The following CSMD1 variants were observed in gnomAD, a reference collection of about 807,000 sequenced individuals.
The protein encoded by CSMD1 is CUB and Sushi multiple domains 1, also known as CUB and sushi domain-containing protein 1.
CSMD1 carries 213 observed loss-of-function variants against 417.5 expected under a neutral mutation model. The ratio of observed to expected loss-of-function variants is 0.51; its 90% CI spans 0.46 to 0.57. The LOEUF (loss-of-function observed/expected upper bound fraction) is 0.57. Ranked by LOEUF, CSMD1 falls within the 20% of genes least tolerant of loss-of-function variation. The probability of loss-of-function intolerance (pLI) is 0.00; values close to 1 mark genes in which losing one functional copy is unlikely to be tolerated. For missense variants in CSMD1, 6,923 were observed against 4,529.7 expected (o/e 1.53, Z -15.17); for synonymous variants, 2,862 against 1,736.8 (o/e 1.65, Z -16.11).
chr8:2,973,816 G>GTGGTAGAGGATGATGGTAGAGGATGA (rs1317048352), intron 56 of CSMD1, among the ~76,000 whole-genome samples: 1 of 151,242 alleles, frequency 6.6e-6, no homozygotes, highest in African/African-American at 2.4e-5. Context: ...GCGGTTAATG[G>GTGGTAGAGGATGATGGTAGAGGATGA]TGGTAGAGGA....
At chr8:4,122,840 A>T (rs1802562292) in intron 3 of CSMD1, among the ~76,000 whole-genome samples, 1 of 152,204 alleles carries the variant, frequency 6.6e-6, no homozygotes, top group Admixed American at 6.5e-5. Context: ...AACAGAGTTC[A>T]CAGAGAACAG....
intron 1 of CSMD1, among the ~76,000 whole-genome samples, chr8:4,776,924 G>C (rs1200663190): frequency 2.0e-5 from 3 of 152,120 alleles, no homozygotes; most frequent in Non-Finnish European, 2.9e-5. Context: ...ACGTTACTAA[G>C]ATTAAAGGCA....
At chr8:3,372,038 G>T (rs558339249) in intron 18 of CSMD1, among the ~76,000 whole-genome samples, 3 of 152,234 alleles carry the variant, frequency 2.0e-5, no homozygotes, top group African/African-American at 7.2e-5. Flanking sequence ...GGAAAAGACA[G>T]GATAAAACCT....
chr8:4,301,197 T>A (rs1260047174), intron 3 of CSMD1, among the ~76,000 whole-genome samples: 1 of 152,158 alleles, frequency 6.6e-6, no homozygotes, highest in African/African-American at 2.4e-5. Context: ...TGGGTAGTGG[T>A]CTGCTAAACT....
intron 3 of CSMD1, among the ~76,000 whole-genome samples, chr8:4,315,921 AAAATG>A (rs1433582475): frequency 6.6e-6 from 1 of 152,208 alleles, no homozygotes; most frequent in Admixed American, 6.5e-5. Flanking sequence ...TCAAATGTAC[AAAATG>A]AAATATAACC....
chr8:3,285,442 A>G (rs1321183639), intron 25 of CSMD1, among the ~76,000 whole-genome samples: 1 of 150,534 alleles, frequency 6.6e-6, no homozygotes, highest in African/African-American at 2.5e-5. Flanking sequence ...GCTGGAGTGC[A>G]GTGTCATGAT....
intron 8 of CSMD1, among the ~76,000 whole-genome samples, chr8:3,589,141 A>G (rs1036033814): frequency 2.6e-5 from 4 of 152,204 alleles, no homozygotes; most frequent in African/African-American, 7.2e-5. Context: ...GAAATGTAAA[A>G]TATGTAAATT....
intron 10 of CSMD1, among the ~76,000 whole-genome samples, chr8:3,503,330 G>A (rs1167741233): frequency 6.6e-6 from 1 of 152,218 alleles, no homozygotes; most frequent in African/African-American, 2.4e-5. Flanking sequence ...CTATGAAGAA[G>A]AGGATTCACA....
intron 3 of CSMD1, among the ~76,000 whole-genome samples, chr8:4,083,397 G>C (rs933902143): frequency 6.6e-6 from 1 of 151,928 alleles, no homozygotes; most frequent in African/African-American, 2.4e-5. Context: ...GTGTTTTTTG[G>C]CTGCATAAAT....
intron 37 of CSMD1, among the ~76,000 whole-genome samples, chr8:3,171,432 A>G (rs1025160786): frequency 6.6e-6 from 1 of 151,826 alleles, no homozygotes; most frequent in Non-Finnish European, 1.5e-5. Context: ...TCTAAAGTCC[A>G]CTCCCCTGTG....
chr8:3,580,237 G>T (rs1761334480), intron 9 of CSMD1, among the ~76,000 whole-genome samples: 1 of 152,126 alleles, frequency 6.6e-6, no homozygotes, highest in Non-Finnish European at 1.5e-5. Context: ...CAAACACATG[G>T]ACATATAATG....
chr8:4,622,199 A>C (rs897757522), intron 2 of CSMD1, among the ~76,000 whole-genome samples: 4 of 151,852 alleles, frequency 2.6e-5, no homozygotes, highest in Non-Finnish European at 5.9e-5. Flanking sequence ...AATGGCAGAC[A>C]TATTGACCTG....
chr8:3,895,823 C>G (rs1487463958), intron 5 of CSMD1, among the ~76,000 whole-genome samples: 2 of 152,206 alleles, frequency 1.3e-5, no homozygotes, highest in Non-Finnish European at 2.9e-5. Flanking sequence ...GTGTGAGCCA[C>G]AGCTCTGACC....
chr8:4,372,544 A>G (rs1386644636), intron 3 of CSMD1, among the ~76,000 whole-genome samples: 1 of 152,122 alleles, frequency 6.6e-6, no homozygotes, highest in Non-Finnish European at 1.5e-5. Context: ...AAATGATTCA[A>G]AGCCTTTTGG....
chr8:4,042,461 G>C (rs909842961), intron 3 of CSMD1, among the ~76,000 whole-genome samples: 1 of 151,934 alleles, frequency 6.6e-6, no homozygotes, highest in Non-Finnish European at 1.5e-5. Context: ...AAAATATTTT[G>C]CAATATCACA....
At chr8:2,990,010 T>C (rs898373073) in intron 54 of CSMD1, among the ~76,000 whole-genome samples, 1 of 152,220 alleles carries the variant, frequency 6.6e-6, no homozygotes, top group East Asian at 1.9e-4. Flanking sequence ...TCTAGGGGGA[T>C]GGATACAGAA....
chr8:2,997,968 A>G (rs1289963190), intron 54 of CSMD1, 43 bp downstream of exon 54: 2 of 1,586,346 alleles, frequency 1.3e-6, no homozygotes, highest in Non-Finnish European at 1.7e-6. Flanking sequence ...GCAGCCTAGA[A>G]CACTCTCAGA....
chr8:4,776,003 G>C (rs1210095831), intron 1 of CSMD1, among the ~76,000 whole-genome samples: 2 of 152,158 alleles, frequency 1.3e-5, no homozygotes, highest in Non-Finnish European at 2.9e-5. Context: ...AGAAATGCCA[G>C]CACAAAAATC....
At position 3,501,013 on chromosome 8, in the gene CSMD1, A is replaced by T. The variant is rs574530874; in HGVS notation, c.1345-7287T>A. Among the ~76,000 whole-genome samples, 41 of 152,346 alleles carry T rather than the reference A, an allele frequency of 2.7e-4. No homozygotes were observed. The South Asian group carries it at 6.8e-3, about 25-fold the overall frequency. The stretch of plus-strand genomic sequence containing the variant: ...GAAATATTGTTGCTACTTTGATTCA[A>T]ATAATATGTATTTTCCTTGACAAAA... On this transcript the variant is annotated intron_variant, in intron 10 of 69. Coordinates refer to ENST00000635120, the MANE Select transcript of CSMD1 (RefSeq NM_033225.6).
Sources: gnomAD v4.1 joint callset for allele counts (sites outside exome capture counted in the v4.1 genomes callset) on GRCh38, gnomAD v4.1.1 for gene constraint, MANE v1.5 for transcripts, NCBI Gene and HGNC (gene_info 2026-07-23, HGNC 2026-07-21) for gene names.